DNAJC5: variants seen among roughly 807,000 people sequenced by gnomAD.
DNAJC5 encodes dnaJ homolog subfamily C member 5.
Under a neutral mutation model 23.2 loss-of-function variants are expected in DNAJC5, and 1 was observed. The ratio of observed to expected loss-of-function variants is 0.04; its 90% CI spans 0.02 to 0.20. DNAJC5 has a LOEUF of 0.20. DNAJC5 is among the 10% of genes least tolerant of loss of function. DNAJC5 has a pLI of 1.00. For missense variants in DNAJC5, 180 were observed against 267.0 expected (o/e 0.67, Z 2.27); for synonymous variants, 136 against 120.0 (o/e 1.13, Z -0.87).
At chr20:63,897,190 T>A (rs1600856105) in intron 1 of DNAJC5, among the ~76,000 whole-genome samples, 1 of 151,232 alleles carries the variant, frequency 6.6e-6, no homozygotes, top group Non-Finnish European at 1.5e-5. Flanking sequence ...GAGTCAGGAG[T>A]TCGAGACTAG....
chr20:63,929,047 G>A lies in DNAJC5; in HGVS notation c.108-265G>A, dbSNP rs1000799952. Reference sequence around the variant, plus strand: ...GGACACCAGGGCTGGCCTTGGTGCCGCTGAACTTAGATGTGCCGTGGCACT... The same window carrying A: ...GGACACCAGGGCTGGCCTTGGTGCCACTGAACTTAGATGTGCCGTGGCACT... On this transcript the variant is annotated intron_variant, in intron 2 of 4. Transcript: ENST00000360864. This position sits in a 1 kb window ranked among gnomAD's most constrained non-coding sequence, Gnocchi z 8.6. 2.6e-5 allele frequency among the ~76,000 whole-genome samples: 4 copies of A among 152,216 alleles called. No homozygotes were observed. Among genetic ancestry groups the A allele is most frequent in the Non-Finnish European group, 5.9e-5 (4 of 68,038 alleles).
At chr20:63,906,510 C>T (rs145670900) in intron 1 of DNAJC5, among the ~76,000 whole-genome samples, 157 of 151,964 alleles carry the variant, frequency 1.0e-3, no homozygotes, top group South Asian at 1.9e-3. Flanking sequence ...AATAGCCGAG[C>T]ACGCTGGCTC....
intron 1 of DNAJC5, among the ~76,000 whole-genome samples, chr20:63,915,028 G>C (rs1221150668): frequency 6.6e-6 from 1 of 152,202 alleles, no homozygotes; most frequent in Non-Finnish European, 1.5e-5. Flanking sequence ...TAGGCCTCCT[G>C]CGTGGAGGTT....
chr20:63,898,625 T>C (rs1002980788), intron 1 of DNAJC5, among the ~76,000 whole-genome samples: 3 of 152,024 alleles, frequency 2.0e-5, no homozygotes, highest in African/African-American at 7.3e-5. Context: ...GGGCAGATCT[T>C]GAGATCGAGA....
chr20:63,902,296 C>T (rs1379933893), intron 1 of DNAJC5, among the ~76,000 whole-genome samples: 8 of 151,412 alleles, frequency 5.3e-5, no homozygotes, highest in South Asian at 2.1e-4. Context: ...CCTTGTGATC[C>T]GCCCAGCTCG....
chr20:63,935,910 C>T lies in DNAJC5; in HGVS notation c.*4342C>T, dbSNP rs1198778711. On this transcript the variant is annotated 3_prime_UTR_variant, in exon 5 of 5. Transcript: ENST00000360864. ...GCTGTCAGACTCCGGCTGATCCTGG[C>T]TCGAGCACACACATCTAAGGGCCAG... 1 of 152,260 alleles carries T rather than the reference C, an allele frequency of 6.6e-6. No homozygotes were observed. Among genetic ancestry groups the T allele is most frequent in the Admixed American group, 6.5e-5 (1 of 15,288 alleles). 9.4% of individuals were successfully genotyped at this position (152,260 alleles called of 1,614,324 possible). A position where few individuals can be genotyped will look rare whatever the true frequency, so the allele number is the denominator to read the frequency against.
intron 1 of DNAJC5, among the ~76,000 whole-genome samples, chr20:63,915,872 A>G (rs1448604183): frequency 6.6e-6 from 1 of 152,242 alleles, no homozygotes; most frequent in African/African-American, 2.4e-5. Context: ...TATTTTTGTA[A>G]ACTACAACAA....
rs533729853 is a variant in DNAJC5 at position 63,916,059 on chromosome 20, AAGT to A, written c.-11-12273_-11-12271del. 2.6e-5 allele frequency among the ~76,000 whole-genome samples: 4 copies of A among 152,092 alleles called. No homozygotes were observed. The South Asian group carries it at 6.2e-4, about 24-fold the overall frequency. On this transcript the variant is annotated intron_variant, in intron 1 of 4. Transcript: ENST00000360864. ...AGCGATTTTCCTGCCTCAGCCTCCCAAGTAGCTGGGATTACAGGCGTGCACCAC... is the reference window on the plus strand; with the variant it reads ...AGCGATTTTCCTGCCTCAGCCTCCCAAGCTGGGATTACAGGCGTGCACCAC...
At chr20:63,915,425 A>T (rs1290603109) in intron 1 of DNAJC5, among the ~76,000 whole-genome samples, 1 of 74,182 alleles carries the variant, frequency 1.3e-5, no homozygotes, top group East Asian at 1.2e-3. Flanking sequence ...ACAATTGGTA[A>T]AAAAAAAAAA....
chr20:63,905,333 C>A (rs1167375453), intron 1 of DNAJC5, among the ~76,000 whole-genome samples: 1 of 152,196 alleles, frequency 6.6e-6, no homozygotes, highest in Non-Finnish European at 1.5e-5. Context: ...CCAGGCCGAT[C>A]TCGACCTCCT....
rs1311097854 is a variant in DNAJC5 at position 63,932,525 on chromosome 20, G to C, written c.*957G>C. On this transcript the variant is annotated 3_prime_UTR_variant, in exon 5 of 5. Coordinates refer to ENST00000360864, the MANE Select transcript of DNAJC5 (RefSeq NM_025219.3). This position sits in a 1 kb window ranked among gnomAD's most constrained non-coding sequence, Gnocchi z 4.4. ...ACAGATGATAGGACCAGCCCAATGA[G>C]CCACAGTCAGAGAGTAGATTGTGCA... 6.6e-6 allele frequency: 1 copy of C among 152,592 alleles called. No homozygotes were observed. Among genetic ancestry groups the C allele is most frequent in the Admixed American group, 6.5e-5 (1 of 15,272 alleles). 9.5% of individuals were successfully genotyped at this position (152,592 alleles called of 1,614,324 possible).
intron 1 of DNAJC5, among the ~76,000 whole-genome samples, chr20:63,927,194 G>A (rs1464724293): frequency 6.6e-6 from 1 of 152,166 alleles, no homozygotes; most frequent in Non-Finnish European, 1.5e-5. Flanking sequence ...TCACGTCATG[G>A]TGGTTGATTA....
rs770001201 is a variant in DNAJC5 at position 63,931,590 on chromosome 20, G to A, written c.*22G>A. ...CTAAATCCAGGAGGAGCTGTGGTCA[G>A]AGGAGGAGCCGGCGCCTGGCCACGC... On this transcript the variant is annotated 3_prime_UTR_variant, in exon 5 of 5. Transcript: ENST00000360864. The surrounding 1 kb of genome is among the most constrained non-coding windows in gnomAD (Gnocchi z 9.6). The A allele has an allele frequency of 6.5e-7, 1 of 1,543,240 alleles. No homozygotes were observed. Among genetic ancestry groups the A allele is most frequent in the African/African-American group, 1.4e-5 (1 of 73,154 alleles).
chr20:63,902,628 A>G (rs1477780255), intron 1 of DNAJC5, among the ~76,000 whole-genome samples: 5 of 150,422 alleles, frequency 3.3e-5, no homozygotes, highest in East Asian at 2.0e-4. Context: ...TCGGCCTCCC[A>G]AAGTGCTGGG....
At chr20:63,904,187 A>G (rs1485116215) in intron 1 of DNAJC5, among the ~76,000 whole-genome samples, 1 of 152,220 alleles carries the variant, frequency 6.6e-6, no homozygotes, top group African/African-American at 2.4e-5. Context: ...GGTGGGTCTT[A>G]AACAGTTTTT....
chr20:63,929,864 C>A lies in DNAJC5; in HGVS notation c.321+339C>A, dbSNP rs1252609210. ...AGAAAAGGCTTCTGGGCATATGGAG[C>A]CTTTCTCCTCACCTGTGTGATGGGC... On this transcript the variant is annotated intron_variant, in intron 3 of 4. Transcript: ENST00000360864. This position sits in a 1 kb window ranked among gnomAD's most constrained non-coding sequence, Gnocchi z 8.6. Among the ~76,000 whole-genome samples, 1 of 152,230 alleles carries A rather than the reference C, an allele frequency of 6.6e-6. No individual in the cohort carries two copies. The highest frequency in any genetic ancestry group is 2.4e-5 in the African/African-American group (1 of 41,460).
At position 63,920,475 on chromosome 20, in the gene DNAJC5, C is replaced by T. The variant is rs1350198237; in HGVS notation, c.-11-7860C>T. Among the ~76,000 whole-genome samples the T allele has an allele frequency of 6.6e-6, 1 of 152,132 alleles. No homozygotes were observed. Among genetic ancestry groups the T allele is most frequent in the Non-Finnish European group, 1.5e-5 (1 of 68,010 alleles). The stretch of plus-strand genomic sequence containing the variant: ...GCTACAGCCAGGGCTGTGAAGGAGC[C>T]GAGGTCATAGAGTGGCTGCCCTGGC... On this transcript the variant is annotated intron_variant, in intron 1 of 4. Transcript: ENST00000360864. The surrounding 1 kb of genome is among the most constrained non-coding windows in gnomAD (Gnocchi z 4.6).
chr20:63,925,884 G>C (rs996592653), intron 1 of DNAJC5, among the ~76,000 whole-genome samples: 13 of 147,424 alleles, frequency 8.8e-5, no homozygotes, highest in Non-Finnish European at 1.6e-4. Context: ...CTGGAGTGCA[G>C]TGGTGCGATC....
intron 1 of DNAJC5, among the ~76,000 whole-genome samples, chr20:63,921,120 C>T (rs570455592): frequency 6.6e-6 from 1 of 152,010 alleles, no homozygotes; most frequent in African/African-American, 2.4e-5. Context: ...CCATCACGCC[C>T]GGCTAATTTT....
Sources: allele counts gnomAD v4.1 joint callset (sites outside exome capture counted in the v4.1 genomes callset), GRCh38; gene constraint gnomAD v4.1.1; non-coding constraint Gnocchi (gnomAD v3.1); transcripts MANE v1.5; gene names NCBI Gene and HGNC (gene_info 2026-07-23, HGNC 2026-07-21).